The following ATP8B4 variants were observed in gnomAD, a reference collection of about 807,000 sequenced individuals.
ATP8B4 encodes probable phospholipid-transporting ATPase IM.
ATP8B4 carries 133 observed loss-of-function variants against 145.6 expected under a neutral mutation model. The ratio of observed to expected loss-of-function variants is 0.91; its 90% CI spans 0.79 to 1.05. ATP8B4 has a LOEUF of 1.05. Ranked by LOEUF, ATP8B4 falls within the 50% of genes least tolerant of loss-of-function variation. The pLI is 0.00. For synonymous variants in ATP8B4, 507 were observed against 492.9 expected (o/e 1.03, Z -0.38); for missense variants, 1,458 against 1,425.2 (o/e 1.02, Z -0.37).
chr15:49,872,618 C>G (rs1030638565), intron 25 of ATP8B4, among the ~76,000 whole-genome samples: 14 of 152,166 alleles, frequency 9.2e-5, no homozygotes, highest in African/African-American at 3.4e-4. Context: ...CAACCTCAGT[C>G]TATTTCTAAG....
At chr15:50,028,627 C>T (rs976575191) in intron 6 of ATP8B4, among the ~76,000 whole-genome samples, 4 of 152,100 alleles carry the variant, frequency 2.6e-5, no homozygotes, top group African/African-American at 9.7e-5. Flanking sequence ...CTATCCTGTA[C>T]CATATACATA....
In ATP8B4 at chr15:49,866,435, C is replaced by A; in HGVS notation, c.3077G>T (p.Trp1026Leu). 1.2e-6 allele frequency: 2 copies of A among 1,613,648 alleles called. No individual in the cohort carries two copies. Among genetic ancestry groups the A allele is most frequent in the Non-Finnish European group, 1.7e-6 (2 of 1,179,540 alleles). Residue 1026 changes from tryptophan to leucine, a missense_variant, in exon 26 of 28, where the codon TGG (tryptophan) becomes TTG (leucine). Trp to Leu is a moderately conservative substitution (Grantham distance 61). Coordinates refer to ENST00000284509, the MANE Select transcript of ATP8B4 (RefSeq NM_024837.4). ...YWTFINHVFI[W>L]GSIAIYFSIL... ...GGAGAAATAAATGGCAATGCTCCCCCAGATGAAGACGTGATTAATGAAAGT... is the reference window on the plus strand; with the variant it reads ...GGAGAAATAAATGGCAATGCTCCCCAAGATGAAGACGTGATTAATGAAAGT...
chr15:50,051,178 T>G (rs2052159744), intron 3 of ATP8B4, among the ~76,000 whole-genome samples: 1 of 152,232 alleles, frequency 6.6e-6, no homozygotes, highest in Non-Finnish European at 1.5e-5. Context: ...TTTCACAAGA[T>G]CTGACCATTT....
intron 2 of ATP8B4, among the ~76,000 whole-genome samples, chr15:50,082,325 G>A (rs11070746): frequency 0.87 from 133,095 of 152,154 alleles, 58,527 homozygotes; most frequent in African/African-American, 0.97. Flanking sequence ...GGTGACCTGC[G>A]GCTTCTGGAA....
intron 1 of ATP8B4, among the ~76,000 whole-genome samples, chr15:50,115,958 A>T (rs765049022): frequency 1.2e-4 from 18 of 152,168 alleles, no homozygotes; most frequent in Non-Finnish European, 1.3e-4. Flanking sequence ...CTTTTCCATT[A>T]TCCTTGTTCC....
intron 1 of ATP8B4, among the ~76,000 whole-genome samples, chr15:50,112,466 C>A (rs1439895804): frequency 6.6e-6 from 1 of 152,044 alleles, no homozygotes; most frequent in African/African-American, 2.4e-5. Context: ...GGAACATGCC[C>A]AAGCCCAGAC....
At chr15:49,966,900 G>A (rs559616702) in intron 13 of ATP8B4, among the ~76,000 whole-genome samples, 6 of 152,234 alleles carry the variant, frequency 3.9e-5, no homozygotes, top group African/African-American at 1.2e-4. Context: ...TGCCCCTCTG[G>A]GACAAAGCTT....
chr15:49,972,044 T>C (rs1294073563), intron 13 of ATP8B4, among the ~76,000 whole-genome samples: 2 of 152,144 alleles, frequency 1.3e-5, no homozygotes, highest in African/African-American at 4.8e-5. Context: ...ACACCGCATA[T>C]TCTCACTCGT....
intron 26 of ATP8B4, 100 bp from the exon 27 acceptor site, chr15:49,862,475 A>C: frequency 4.5e-6 from 6 of 1,319,786 alleles, no homozygotes; most frequent in Non-Finnish European, 6.1e-6. Flanking sequence ...TTTTTTTGAG[A>C]TGGAGTCTTG....
intron 25 of ATP8B4, among the ~76,000 whole-genome samples, chr15:49,872,175 C>T (rs2033762877): frequency 6.6e-6 from 1 of 152,192 alleles, no homozygotes; most frequent in Non-Finnish European, 1.5e-5. Flanking sequence ...AGAATAATCA[C>T]AGATGCCTTT....
At chr15:50,128,949 T>TCCTGAGTAGCGTAC (rs1310108713) in intron 1 of ATP8B4, among the ~76,000 whole-genome samples, 1 of 152,124 alleles carries the variant, frequency 6.6e-6, no homozygotes, top group Non-Finnish European at 1.5e-5. Flanking sequence ...GCACCTGTAA[T>TCCTGAGTAGCGTAC]CTCAGCTACT....
At chr15:50,156,069 AATAAATATATATATATAT>A (rs2044407374) in intron 1 of ATP8B4, among the ~76,000 whole-genome samples, 4 of 16,952 alleles carry the variant, frequency 2.4e-4, no homozygotes, top group Non-Finnish European at 4.3e-4. Flanking sequence ...TAAATAAATA[AATAAATATATATATATAT>A]ATATAAATAT....
At chr15:50,085,885 T>TTATATATGATATATATCATATATAAA (rs2054898402) in intron 2 of ATP8B4, among the ~76,000 whole-genome samples, 3 of 69,398 alleles carry the variant, frequency 4.3e-5, no homozygotes, top group Admixed American at 1.7e-4. Flanking sequence ...ATTTATATAT[T>TTATATATGATATATATCATATATAAA]TATATATGAT....
chr15:50,007,237 G>A lies in ATP8B4; in HGVS notation c.435+3608C>T, dbSNP rs571843327. On this transcript the variant is annotated intron_variant, in intron 7 of 27. Coordinates refer to ENST00000284509, the MANE Select transcript of ATP8B4 (RefSeq NM_024837.4). ...AAATCAGGTTGCAAATTCTAAGTTC[G>A]AACAGCTAGAAGTTATGCATCTGCA... is the stretch of plus-strand genomic sequence containing the variant. Among the ~76,000 whole-genome samples the A allele has an allele frequency of 9.9e-5, 15 of 152,178 alleles. No homozygotes were observed. In the South Asian group the frequency reaches 3.1e-3, roughly 32 times the overall value.
At chr15:49,923,345 G>T in intron 17 of ATP8B4, 34 bp downstream of exon 17, 2 of 1,438,632 alleles carry the variant, frequency 1.4e-6, no homozygotes, top group South Asian at 1.2e-5. Flanking sequence ...TGGCAAAAGG[G>T]CCATTGTGCT....
intron 3 of ATP8B4, among the ~76,000 whole-genome samples, chr15:50,063,009 A>C (rs1338723652): frequency 6.6e-6 from 1 of 152,054 alleles, no homozygotes; most frequent in Non-Finnish European, 1.5e-5. Flanking sequence ...GAATCTTCAA[A>C]GTTCAGTTAT....
chr15:50,096,860 A>T (rs2056021448), intron 2 of ATP8B4, among the ~76,000 whole-genome samples: 1 of 152,212 alleles, frequency 6.6e-6, no homozygotes. Context: ...AGTTATTAAA[A>T]CATAGAAGAG....
At chr15:50,040,533 T>C (rs2051195240) in intron 5 of ATP8B4, among the ~76,000 whole-genome samples, 1 of 152,186 alleles carries the variant, frequency 6.6e-6, no homozygotes, top group Non-Finnish European at 1.5e-5. Flanking sequence ...GCACATAACA[T>C]CACAAAAGGT....
chr15:49,995,793 A>G (rs1462955821), intron 9 of ATP8B4, among the ~76,000 whole-genome samples: 1 of 152,262 alleles, frequency 6.6e-6, no homozygotes, highest in Admixed American at 6.5e-5. Context: ...GTATGGATAT[A>G]CTAATATTCT....
Sources: gnomAD v4.1 joint callset for allele counts (sites outside exome capture counted in the v4.1 genomes callset) on GRCh38, gnomAD v4.1.1 for gene constraint, MANE v1.5 for transcripts, NCBI Gene and HGNC (gene_info 2026-07-23, HGNC 2026-07-21) for gene names.